Variants in AGMO observed in about 807,000 individuals in gnomAD.
AGMO encodes the protein alkylglycerol monooxygenase, also known as glyceryl-ether monooxygenase.
In AGMO, 75 loss-of-function variants were observed where a neutral mutation model predicts 60.2. That is an observed-to-expected ratio of 1.25 (90% CI 1.03 to 1.51). The LOEUF (loss-of-function observed/expected upper bound fraction) is 1.51, where lower values mean the gene tolerates loss of function less well. Ranked by LOEUF, AGMO falls within the 40% of genes most tolerant of loss-of-function variation. The pLI is 0.00. For missense variants in AGMO, 763 were observed against 525.5 expected (o/e 1.45, Z -4.42); for synonymous variants, 261 against 177.1 (o/e 1.47, Z -3.76).
At chr7:15,274,919 A>G (rs539851779) in intron 12 of AGMO, among the ~76,000 whole-genome samples, 6 of 151,268 alleles carry the variant, frequency 4.0e-5, no homozygotes, top group South Asian at 2.1e-4. Flanking sequence ...ATTTCTGATT[A>G]TACTTGAATC....
intron 3 of AGMO, among the ~76,000 whole-genome samples, chr7:15,512,411 C>G (rs999687030): frequency 1.3e-5 from 2 of 152,124 alleles, no homozygotes; most frequent in African/African-American, 2.4e-5. Flanking sequence ...TACCACCATG[C>G]CTGGCTAATG....
the AGMO span, among the ~76,000 whole-genome samples, chr7:15,120,001 A>C: frequency 1.3e-5 from 2 of 151,624 alleles, no homozygotes; most frequent in Admixed American, 6.6e-5. Context: ...CGCCTACTTA[A>C]GAACATCTTT....
intron 3 of AGMO, among the ~76,000 whole-genome samples, chr7:15,511,324 T>G (rs1783668066): frequency 6.6e-6 from 1 of 152,160 alleles, no homozygotes; most frequent in Admixed American, 6.6e-5. Flanking sequence ...CCCACACTGA[T>G]GTGGGAAAAA....
chr7:15,247,675 A>C (rs1177324123), intron 12 of AGMO, among the ~76,000 whole-genome samples: 3 of 152,184 alleles, frequency 2.0e-5, no homozygotes, highest in Non-Finnish European at 4.4e-5. Flanking sequence ...TATTCTGAAA[A>C]CTAATAACAA....
At chr7:15,342,418 T>C (rs1781884716) in intron 12 of AGMO, among the ~76,000 whole-genome samples, 1 of 151,994 alleles carries the variant, frequency 6.6e-6, no homozygotes, top group African/African-American at 2.4e-5. Flanking sequence ...AAGCAAAGTA[T>C]GTTCATCTTT....
At chr7:15,494,506 A>G (rs1430115202) in intron 3 of AGMO, among the ~76,000 whole-genome samples, 6 of 152,218 alleles carry the variant, frequency 3.9e-5, no homozygotes, top group Admixed American at 3.9e-4. Context: ...GTGTCGGCTA[A>G]AATAGCTGGA....
At chr7:15,548,472 G>A (rs1322583422) in intron 2 of AGMO, among the ~76,000 whole-genome samples, 1 of 151,894 alleles carries the variant, frequency 6.6e-6, no homozygotes, top group Non-Finnish European at 1.5e-5. Context: ...AGTGCTTAAA[G>A]GAGCTGATGG....
At chr7:15,189,756 T>A in the AGMO span, among the ~76,000 whole-genome samples, 132,359 of 151,296 alleles carry the variant, frequency 0.87, 58,102 homozygotes, top group East Asian at 1. Flanking sequence ...CTTCGAGCGC[T>A]GAGATGTAAC....
At chr7:15,206,682 G>A (rs979370523) in intron 12 of AGMO, among the ~76,000 whole-genome samples, 1 of 152,090 alleles carries the variant, frequency 6.6e-6, no homozygotes. Flanking sequence ...AGAGGTTTTT[G>A]TGTGCTTGTT....
chr7:15,296,094 T>C (rs1475224916), intron 12 of AGMO, among the ~76,000 whole-genome samples: 2 of 152,196 alleles, frequency 1.3e-5, no homozygotes, highest in East Asian at 1.9e-4. Context: ...TAGAAATAAT[T>C]TGACTTAAGA....
At chr7:15,294,586 A>T (rs1784361074) in intron 12 of AGMO, among the ~76,000 whole-genome samples, 1 of 152,012 alleles carries the variant, frequency 6.6e-6, no homozygotes, top group Admixed American at 6.6e-5. Context: ...TAATACTACA[A>T]AATATTTTCC....
At chr7:15,410,585 T>C (rs1200295023) in intron 5 of AGMO, among the ~76,000 whole-genome samples, 1 of 151,954 alleles carries the variant, frequency 6.6e-6, no homozygotes, top group Non-Finnish European at 1.5e-5. Context: ...ACAAAATGTA[T>C]GTGAATAATC....
At chr7:15,190,268 G>T in the AGMO span, among the ~76,000 whole-genome samples, 1 of 145,724 alleles carries the variant, frequency 6.9e-6, no homozygotes, top group African/African-American at 2.5e-5. Context: ...ACAGCTGTTT[G>T]CTTTTTAATA....
chr7:15,446,414 C>T (rs567629756), intron 3 of AGMO, among the ~76,000 whole-genome samples: 1 of 152,274 alleles, frequency 6.6e-6, no homozygotes, highest in East Asian at 1.9e-4. Flanking sequence ...AACCCCAGCT[C>T]TCCTGGTATT....
intron 10 of AGMO, among the ~76,000 whole-genome samples, chr7:15,372,055 C>T (rs1040606773): frequency 1.3e-5 from 2 of 152,038 alleles, no homozygotes; most frequent in African/African-American, 4.8e-5. Context: ...ACATAGAACA[C>T]ATATGCTTAA....
intron 12 of AGMO, among the ~76,000 whole-genome samples, chr7:15,334,371 A>G (rs572492892): frequency 1.3e-5 from 2 of 151,694 alleles, no homozygotes; most frequent in Non-Finnish European, 2.9e-5. Context: ...ATCTGCTTTC[A>G]AGTAGTCCTG....
At chr7:15,120,613 G>T in the AGMO span, among the ~76,000 whole-genome samples, 1 of 152,016 alleles carries the variant, frequency 6.6e-6, no homozygotes, top group East Asian at 1.9e-4. Context: ...CCAGGATGTG[G>T]TACCTCACCT....
At chr7:15,334,487 C>A (rs1194800504) in intron 12 of AGMO, among the ~76,000 whole-genome samples, 1 of 152,112 alleles carries the variant, frequency 6.6e-6, no homozygotes, top group Admixed American at 6.6e-5. Context: ...GTCAAAACTT[C>A]AATCCTTTGC....
At chr7:15,138,063 A>G in the AGMO span, among the ~76,000 whole-genome samples, 1 of 151,998 alleles carries the variant, frequency 6.6e-6, no homozygotes, top group Non-Finnish European at 1.5e-5. Flanking sequence ...ACCAACTTCA[A>G]ATCTACCTCA....
Sources: gnomAD v4.1 joint callset for allele counts (sites outside exome capture counted in the v4.1 genomes callset) on GRCh38, gnomAD v4.1.1 for gene constraint, MANE v1.5 for transcripts, NCBI Gene and HGNC (gene_info 2026-07-23, HGNC 2026-07-21) for gene names.